The following CUX1 variants were observed in gnomAD, a reference collection of about 807,000 sequenced individuals.
CUX1 encodes protein CASP.
A neutral mutation model predicts 158.8 loss-of-function variants in CUX1; 31 were observed. That is an observed-to-expected ratio of 0.20 (90% CI 0.15 to 0.26). CUX1 has a LOEUF of 0.26. Ranked by LOEUF, CUX1 falls within the 10% of genes least tolerant of loss-of-function variation. The pLI is 1.00. For synonymous variants in CUX1, 879 were observed against 862.1 expected (o/e 1.02, Z -0.34); for missense variants, 1,589 against 2,014.6 (o/e 0.79, Z 4.04).
At chr7:101,914,029 G>A (rs1382060962) in intron 1 of CUX1, among the ~76,000 whole-genome samples, 4 of 149,960 alleles carry the variant, frequency 2.7e-5, no homozygotes, top group Non-Finnish European at 5.9e-5. Context: ...TGTATCCCCC[G>A]TTCCACCACA....
chr7:101,922,058 C>T (rs1485208857), intron 2 of CUX1, among the ~76,000 whole-genome samples: 2 of 151,582 alleles, frequency 1.3e-5, no homozygotes, highest in African/African-American at 4.9e-5. Context: ...GTTGAGGCTG[C>T]AGTGAGCCAT....
At chr7:102,164,998 G>T (rs1222502630) in intron 9 of CUX1, among the ~76,000 whole-genome samples, 6 of 152,122 alleles carry the variant, frequency 3.9e-5, no homozygotes, top group Non-Finnish European at 8.8e-5. Flanking sequence ...CTGGCAGGGT[G>T]GGGGAAGGAG....
intron 1 of CUX1, among the ~76,000 whole-genome samples, chr7:101,819,861 G>A (rs971315286): frequency 2.6e-4 from 39 of 152,276 alleles, no homozygotes; most frequent in African/African-American, 8.9e-4. Context: ...TCGGCTTCGT[G>A]TATCTTCTGT....
chr7:101,885,169 A>G (rs560665234), intron 1 of CUX1, among the ~76,000 whole-genome samples: 5 of 152,288 alleles, frequency 3.3e-5, no homozygotes, highest in Admixed American at 2.0e-4. Context: ...CTTCCAGTTC[A>G]CTAAGAAGTG....
In CUX1 at chr7:102,250,474, CT is replaced by C. The variant is rs1329897503; in HGVS notation, c.*1437del. On this transcript the variant is annotated 3_prime_UTR_variant, in exon 24 of 24. Transcript: ENST00000292535. ...CACGCGCACTCTCTCTCTTCTTTCC[CT>C]TTTTCTTCCCACCGCAAGCACTGAT... 1.0e-5 allele frequency: 10 copies of C among 985,308 alleles called. No homozygotes were observed. The highest frequency in any genetic ancestry group is 1.2e-5 in the Non-Finnish European group (10 of 829,968). 61.0% of individuals were successfully genotyped at this position (985,308 alleles called of 1,614,324 possible).
intron 1 of CUX1, among the ~76,000 whole-genome samples, chr7:101,903,961 C>T (rs1295960691): frequency 6.6e-6 from 1 of 152,070 alleles, no homozygotes; most frequent in Non-Finnish European, 1.5e-5. Flanking sequence ...TTTATTCAAT[C>T]TTATTTTCTG....
chr7:101,968,115 G>A (rs1294635539), intron 2 of CUX1, among the ~76,000 whole-genome samples: 1 of 152,132 alleles, frequency 6.6e-6, no homozygotes, highest in East Asian at 1.9e-4. Context: ...GCATTGCCCA[G>A]GCTGGTCTCC....
At chr7:101,941,756 C>T (rs1807744300) in intron 2 of CUX1, among the ~76,000 whole-genome samples, 1 of 152,194 alleles carries the variant, frequency 6.6e-6, no homozygotes, top group South Asian at 2.1e-4. Context: ...TCAACAGATA[C>T]ATTCTTTGAA....
At chr7:101,895,132 C>T (rs1308460739) in intron 1 of CUX1, among the ~76,000 whole-genome samples, 3 of 152,076 alleles carry the variant, frequency 2.0e-5, no homozygotes, top group African/African-American at 7.2e-5. Flanking sequence ...GCAGTTCTCC[C>T]GTCTCAGCCT....
intron 1 of CUX1, among the ~76,000 whole-genome samples, chr7:101,826,994 A>G (rs1793376314): frequency 6.6e-6 from 1 of 152,166 alleles, no homozygotes; most frequent in African/African-American, 2.4e-5. Flanking sequence ...TTTGAAAGCT[A>G]CTGATAGGTA....
At chr7:102,189,478 C>G (rs890146161) in intron 11 of CUX1, among the ~76,000 whole-genome samples, 6 of 151,548 alleles carry the variant, frequency 4.0e-5, no homozygotes, top group Non-Finnish European at 8.8e-5. Context: ...TCACTGCACC[C>G]TCCAACTCCC....
chr7:102,131,026 G>A (rs912360683), intron 8 of CUX1, among the ~76,000 whole-genome samples: 6 of 149,560 alleles, frequency 4.0e-5, no homozygotes, highest in East Asian at 2.0e-4. Context: ...GTACACGCCT[G>A]TAGTCCCAGC....
chr7:101,830,977 A>C (rs985168832), intron 1 of CUX1, among the ~76,000 whole-genome samples: 8 of 152,070 alleles, frequency 5.3e-5, no homozygotes, highest in African/African-American at 1.7e-4. Flanking sequence ...AGCACACTCC[A>C]TGGTACCTGA....
At chr7:102,262,337 G>A (rs898742201), downstream of CUX1, among the ~76,000 whole-genome samples, 36 of 152,208 alleles carry the variant, frequency 2.4e-4, no homozygotes, top group African/African-American at 8.4e-4. Flanking sequence ...GGCAGAGGTT[G>A]TAGTGAGCCG....
intron 9 of CUX1, among the ~76,000 whole-genome samples, chr7:102,166,088 A>G (rs1586002950): frequency 6.6e-6 from 1 of 152,200 alleles, no homozygotes; most frequent in South Asian, 2.1e-4. Flanking sequence ...GGGGCCACAC[A>G]TGCCAGGGAC....
chr7:102,195,037 A>G lies in CUX1; in HGVS notation c.1126-470A>G, dbSNP rs546248138. Among the ~76,000 whole-genome samples, 9 of 152,092 alleles carry G rather than the reference A, an allele frequency of 5.9e-5. No homozygotes were observed. In the East Asian group the frequency reaches 1.7e-3, roughly 29 times the overall value. ...AGACTCCATCTCAAAAAATTAAAAAATCAAATCAAATAAAATTGACATCCT... is the reference window on the plus strand; with the variant it reads ...AGACTCCATCTCAAAAAATTAAAAAGTCAAATCAAATAAAATTGACATCCT... On this transcript the variant is annotated intron_variant, in intron 13 of 23. Coordinates refer to ENST00000292535, the MANE Select transcript of CUX1 (RefSeq NM_181552.4).
rs1408626095 is a variant in CUX1, at chr7:102,274,227, C to T, written c.1384-17C>T. On this transcript the variant is annotated splice_polypyrimidine_tract_variant and intron_variant, in intron 15 of 22. Transcript: ENST00000292538. ...ATTGTGCGGAGGCACCTCCTCATCGCTTCCTGTCACCTGCAGGGTGCCGCT... is the reference window on the plus strand; with the variant it reads ...ATTGTGCGGAGGCACCTCCTCATCGTTTCCTGTCACCTGCAGGGTGCCGCT... 3 of 1,612,464 alleles carry T rather than the reference C, an allele frequency of 1.9e-6. No homozygotes were observed. In the African/African-American group the frequency reaches 4.0e-5, roughly 21 times the overall value.
At chr7:101,995,200 G>C (rs139153710) in intron 2 of CUX1, among the ~76,000 whole-genome samples, 143 of 152,268 alleles carry the variant, frequency 9.4e-4, no homozygotes, top group African/African-American at 3.4e-3. Context: ...CCTCACTCCA[G>C]CCATTCTGCC....
chr7:102,210,915 G>A (rs1301520810), intron 20 of CUX1, among the ~76,000 whole-genome samples: 1 of 152,210 alleles, frequency 6.6e-6, no homozygotes, highest in Non-Finnish European at 1.5e-5. Context: ...CCTTTTGAAT[G>A]TGCATGCGTA....
Sources: allele counts gnomAD v4.1 joint callset (sites outside exome capture counted in the v4.1 genomes callset), GRCh38; gene constraint gnomAD v4.1.1; transcripts MANE v1.5; gene names NCBI Gene and HGNC (gene_info 2026-07-23, HGNC 2026-07-21).